Variants in LIMCH1 observed in about 807,000 individuals in gnomAD.
The protein encoded by LIMCH1 is LIM and calponin homology domains 1.
In LIMCH1, 113 loss-of-function variants were observed where a neutral mutation model predicts 176.5. The observed-to-expected ratio is 0.64, with a 90% CI of 0.55 to 0.75. The LOEUF (loss-of-function observed/expected upper bound fraction) is 0.75. Among genes scored for constraint, LIMCH1 ranks in the 30% least tolerant of loss-of-function variants. LIMCH1 has a pLI of 0.00. For missense variants in LIMCH1, 1,674 were observed against 1,814.9 expected (o/e 0.92, Z 1.41); for synonymous variants, 619 against 645.9 (o/e 0.96, Z 0.63).
At chr4:41,662,585 TTC>T (rs1491289501) in intron 19 of LIMCH1, among the ~76,000 whole-genome samples, 1 of 152,188 alleles carries the variant, frequency 6.6e-6, no homozygotes, top group Non-Finnish European at 1.5e-5. Flanking sequence ...ACTTAAGTTC[TTC>T]ATAGTGTGGT....
Position 41,516,300 on chromosome 4 carries a change from G to A in LIMCH1, c.168-8109G>A, listed in dbSNP as rs143063324. Among the ~76,000 whole-genome samples the A allele has an allele frequency of 1.4e-3, 213 of 152,288 alleles. 1 individual carries two copies. Among genetic ancestry groups the A allele is most frequent in the African/African-American group, 4.9e-3 (205 of 41,554 alleles). ...CGGCCAGAGCCAGGTTTTAGCAGTG[G>A]TCAGTTGGAGTGCAGTTTGGGTGCA... On this transcript the variant is annotated intron_variant, in intron 2 of 26. Coordinates refer to the LIMCH1 transcript ENST00000313860.
chr4:41,424,595 T>C (rs1358129009), intron 1 of LIMCH1, among the ~76,000 whole-genome samples: 2 of 152,200 alleles, frequency 1.3e-5, no homozygotes, highest in African/African-American at 4.8e-5. Context: ...TTTTTTGTTT[T>C]GTAATGAAAC....
intron 1 of LIMCH1, among the ~76,000 whole-genome samples, chr4:41,466,940 C>G (rs752252416): frequency 6.6e-6 from 1 of 152,054 alleles, no homozygotes; most frequent in Non-Finnish European, 1.5e-5. Context: ...CTCTTGCCCT[C>G]CAGCTTTTGG....
intron 17 of LIMCH1, among the ~76,000 whole-genome samples, chr4:41,647,926 A>T (rs4861000): frequency 6.6e-6 from 1 of 152,052 alleles, no homozygotes; most frequent in Non-Finnish European, 1.5e-5. Context: ...TGTCTCTGTC[A>T]TTCATGGCTT....
chr4:41,429,066 C>A (rs2061369931), intron 1 of LIMCH1, among the ~76,000 whole-genome samples: 1 of 152,196 alleles, frequency 6.6e-6, no homozygotes, highest in African/African-American at 2.4e-5. Flanking sequence ...ACGTAAATAG[C>A]AGGTGCAAAT....
At chr4:41,590,697 C>A (rs941894743) in intron 1 of LIMCH1, among the ~76,000 whole-genome samples, 2 of 152,210 alleles carry the variant, frequency 1.3e-5, no homozygotes, top group African/African-American at 4.8e-5. Context: ...CCAGCTGCCA[C>A]CTTCTGGGTC....
At chr4:41,581,817 A>AC (rs2085511468) in intron 1 of LIMCH1, among the ~76,000 whole-genome samples, 1 of 150,698 alleles carries the variant, frequency 6.6e-6, no homozygotes. Flanking sequence ...AAAAAAAAAA[A>AC]AAAAAAAAAA....
chr4:41,500,647 T>C (rs1191579995), intron 2 of LIMCH1, among the ~76,000 whole-genome samples: 1 of 152,244 alleles, frequency 6.6e-6, no homozygotes, highest in Admixed American at 6.5e-5. Context: ...TGTTCACCTT[T>C]GGCAAGGTCA....
intron 1 of LIMCH1, among the ~76,000 whole-genome samples, chr4:41,411,648 G>T (rs2059487973): frequency 6.7e-6 from 1 of 150,222 alleles, no homozygotes; most frequent in South Asian, 2.1e-4. Flanking sequence ...TCTGCCAATG[G>T]ACTCAGCTTT....
intron 1 of LIMCH1, among the ~76,000 whole-genome samples, chr4:41,402,349 G>A (rs1271339376): frequency 4.7e-5 from 7 of 150,224 alleles, no homozygotes; most frequent in South Asian, 2.2e-4. Context: ...AGGATGTGGA[G>A]AAATAGGAAC....
chr4:41,584,602 T>C (rs1294045128), intron 1 of LIMCH1, among the ~76,000 whole-genome samples: 2 of 152,176 alleles, frequency 1.3e-5, no homozygotes, highest in Non-Finnish European at 2.9e-5. Flanking sequence ...TATGTAGCAT[T>C]TTCCAAACTT....
upstream of LIMCH1, among the ~76,000 whole-genome samples, chr4:41,534,808 G>C (rs1186061563): frequency 6.6e-6 from 1 of 151,898 alleles, no homozygotes; most frequent in African/African-American, 2.4e-5. Context: ...GGAGAAAGGA[G>C]TGAAAAAAGG....
intron 1 of LIMCH1, among the ~76,000 whole-genome samples, chr4:41,392,639 T>C (rs1162590249): frequency 5.3e-5 from 8 of 152,224 alleles, no homozygotes; most frequent in African/African-American, 1.7e-4. Context: ...ATGAGAGGCA[T>C]GTGGGAACTC....
intron 1 of LIMCH1, among the ~76,000 whole-genome samples, chr4:41,476,004 C>T (rs909794541): frequency 6.6e-6 from 1 of 152,156 alleles, no homozygotes; most frequent in Non-Finnish European, 1.5e-5. Flanking sequence ...CAAGGTCTTG[C>T]TCTGTCGCCC....
At chr4:41,504,658 T>C (rs2073909399) in intron 2 of LIMCH1, among the ~76,000 whole-genome samples, 1 of 152,230 alleles carries the variant, frequency 6.6e-6, no homozygotes, top group Non-Finnish European at 1.5e-5. Context: ...AGTGAGTGTA[T>C]GACTGTGTTT....
At chr4:41,537,275 T>G (rs116351812), upstream of LIMCH1, among the ~76,000 whole-genome samples, 1,011 of 152,340 alleles carry the variant, frequency 6.6e-3, 10 homozygotes, top group African/African-American at 0.023. Flanking sequence ...ATTTGAAAAT[T>G]CCAAATGGTA....
rs2060385986 is a variant in LIMCH1, at chr4:41,419,666, T to TTCCTTCCTTCC, written c.96+58732_96+58742dup. Among the ~76,000 whole-genome samples, 4 of 77,544 alleles carry TTCCTTCCTTCC rather than the reference T, an allele frequency of 5.2e-5. 1 individual carries two copies. The allele number at this position is 77,544 out of a possible 152,430, so 50.9% of individuals were successfully genotyped here. A position where few individuals can be genotyped will look rare whatever the true frequency, so the allele number is the denominator to read the frequency against. The stretch of plus-strand genomic sequence containing the variant: ...CCTTTCTTCCTCCTTCCTTCCTTCC[T>TTCCTTCCTTCC]TCCTTCCTTCCTTCCTCCTTCCTTC... On this transcript the variant is annotated intron_variant, in intron 1 of 26. Transcript: ENST00000313860.
At chr4:41,515,484 G>A (rs73142571) in intron 2 of LIMCH1, among the ~76,000 whole-genome samples, 6,287 of 152,328 alleles carry the variant, frequency 0.041, 431 homozygotes, top group African/African-American at 0.14. Context: ...ATTTTCACCA[G>A]TGGGAGGGCT....
At chr4:41,503,089 G>T (rs763423624) in intron 2 of LIMCH1, among the ~76,000 whole-genome samples, 2 of 151,736 alleles carry the variant, frequency 1.3e-5, no homozygotes, top group African/African-American at 2.4e-5. Flanking sequence ...TTGTCTTTGG[G>T]TAAGTTTTCC....
Sources: allele counts gnomAD v4.1 joint callset (sites outside exome capture counted in the v4.1 genomes callset), GRCh38; gene constraint gnomAD v4.1.1; transcripts MANE v1.5; gene names NCBI Gene and HGNC (gene_info 2026-07-23, HGNC 2026-07-21).